Variants in CTNNA3 observed in about 807,000 individuals in gnomAD.
CTNNA3 encodes the protein catenin alpha-3.
CTNNA3 carries 76 observed loss-of-function variants against 95.7 expected under a neutral mutation model. That is an observed-to-expected ratio of 0.79 (90% CI 0.66 to 0.96). CTNNA3 has a LOEUF of 0.96. CTNNA3 is among the 40% of genes least tolerant of loss of function. The pLI is 0.00. For synonymous variants in CTNNA3, 431 were observed against 374.4 expected, an observed-to-expected ratio of 1.15 and a Z score of -1.74; for missense variants, 1,191 against 1,089.8, an observed-to-expected ratio of 1.09 and a Z score of -1.31.
intron 7 of CTNNA3, among the ~76,000 whole-genome samples, chr10:67,174,346 A>G (rs987981041): frequency 2.0e-5 from 3 of 152,164 alleles, no homozygotes; most frequent in Admixed American, 2.0e-4. Context: ...TTTCCTCAAT[A>G]GAGGAACCCA....
chr10:67,582,845 A>G (rs1368734310), intron 3 of CTNNA3, among the ~76,000 whole-genome samples: 1 of 151,676 alleles, frequency 6.6e-6, no homozygotes, highest in Non-Finnish European at 1.5e-5. Flanking sequence ...ATCTTTTTTC[A>G]TTTAAAGTCT....
At chr10:66,377,487 G>A (rs1309312961) in intron 12 of CTNNA3, among the ~76,000 whole-genome samples, 1 of 151,948 alleles carries the variant, frequency 6.6e-6, no homozygotes, top group East Asian at 1.9e-4. Flanking sequence ...TGATCTCAGA[G>A]TGATTGCAAA....
intron 10 of CTNNA3, among the ~76,000 whole-genome samples, chr10:66,591,555 A>G (rs1177155582): frequency 6.6e-6 from 1 of 152,068 alleles, no homozygotes; most frequent in African/African-American, 2.4e-5. Flanking sequence ...CTGACTCTAG[A>G]AGAGATGCTC....
At chr10:67,653,622 T>C (rs1301468166) in intron 1 of CTNNA3, among the ~76,000 whole-genome samples, 1 of 152,218 alleles carries the variant, frequency 6.6e-6, no homozygotes, top group South Asian at 2.1e-4. Context: ...TTATGTCATA[T>C]ATAGTCCCTT....
intron 5 of CTNNA3, among the ~76,000 whole-genome samples, chr10:67,312,238 A>G (rs573430835): frequency 2.0e-5 from 3 of 152,106 alleles, no homozygotes; most frequent in East Asian, 3.9e-4. Flanking sequence ...GTGCCCAGCT[A>G]ATTTTTGACT....
At chr10:65,946,480 C>T (rs1305196678) in intron 17 of CTNNA3, among the ~76,000 whole-genome samples, 2 of 151,974 alleles carry the variant, frequency 1.3e-5, no homozygotes, top group Admixed American at 6.6e-5. Context: ...GCTAGCAAAG[C>T]GTTAGTTATT....
chr10:66,910,621 A>G (rs1846182455), intron 7 of CTNNA3, among the ~76,000 whole-genome samples: 1 of 152,250 alleles, frequency 6.6e-6, no homozygotes, highest in Non-Finnish European at 1.5e-5. Context: ...GGCATTGAAG[A>G]TAACATGTAA....
intron 10 of CTNNA3, among the ~76,000 whole-genome samples, chr10:66,610,763 A>C (rs1844301565): frequency 1.3e-5 from 2 of 152,164 alleles, no homozygotes; most frequent in South Asian, 4.1e-4. Context: ...TGATCCAGCA[A>C]TCCCAATGCT....
intron 11 of CTNNA3, among the ~76,000 whole-genome samples, chr10:66,436,654 T>A (rs950922881): frequency 2.6e-5 from 4 of 152,058 alleles, no homozygotes; most frequent in Non-Finnish European, 4.4e-5. Context: ...AATTTGTCAG[T>A]CTGTGTCTTT....
intron 14 of CTNNA3, among the ~76,000 whole-genome samples, chr10:66,100,714 G>A (rs2081590315): frequency 6.6e-6 from 1 of 152,196 alleles, no homozygotes; most frequent in Non-Finnish European, 1.5e-5. Context: ...TGGGCAGCCA[G>A]TCATCTAGCT....
At chr10:66,032,002 C>T (rs989212597) in intron 15 of CTNNA3, among the ~76,000 whole-genome samples, 17 of 152,046 alleles carry the variant, frequency 1.1e-4, no homozygotes, top group Non-Finnish European at 2.5e-4. Flanking sequence ...AAGGCAATGA[C>T]TGCAGATGAA....
chr10:67,655,782 CAA>C (rs11291979), intron 1 of CTNNA3, among the ~76,000 whole-genome samples: 178 of 95,248 alleles, frequency 1.9e-3, no homozygotes, highest in Middle Eastern at 5.8e-3. Flanking sequence ...GACTCCGTCT[CAA>C]AAAAAAAAAA....
intron 5 of CTNNA3, among the ~76,000 whole-genome samples, chr10:67,442,446 A>G (rs1166066350): frequency 6.6e-6 from 1 of 152,160 alleles, no homozygotes; most frequent in Non-Finnish European, 1.5e-5. Flanking sequence ...GAGAGACCCA[A>G]TGATCTGTTG....
intron 13 of CTNNA3, among the ~76,000 whole-genome samples, chr10:66,270,621 C>T (rs1196616952): frequency 1.3e-5 from 2 of 152,126 alleles, no homozygotes; most frequent in Non-Finnish European, 2.9e-5. Flanking sequence ...ATCATCATGA[C>T]AAACGCTACG....
At chr10:66,523,270 C>T (rs750912078) in intron 10 of CTNNA3, among the ~76,000 whole-genome samples, 1 of 152,176 alleles carries the variant, frequency 6.6e-6, no homozygotes, top group Non-Finnish European at 1.5e-5. Flanking sequence ...TTTTAAAGTA[C>T]TGGTGTAAAA....
chr10:67,657,205 T>C (rs552644049), intron 1 of CTNNA3, among the ~76,000 whole-genome samples: 6 of 152,222 alleles, frequency 3.9e-5, no homozygotes, highest in Middle Eastern at 3.4e-3. Context: ...TGCCATTAAC[T>C]GAGGTGGGAA....
intron 2 of CTNNA3, among the ~76,000 whole-genome samples, chr10:67,636,554 A>G (rs4384298): frequency 1.3e-5 from 2 of 152,020 alleles, no homozygotes; most frequent in African/African-American, 4.8e-5. Context: ...AACCTGACAA[A>G]AACAAGCAAT....
chr10:66,770,684 A>C (rs2132804626), intron 8 of CTNNA3, among the ~76,000 whole-genome samples: 1 of 152,284 alleles, frequency 6.6e-6, no homozygotes, highest in Admixed American at 6.5e-5. Context: ...AGTCTAAAAA[A>C]GCCCCACCAT....
intron 9 of CTNNA3, among the ~76,000 whole-genome samples, chr10:66,670,731 A>C (rs1846629811): frequency 6.6e-6 from 1 of 152,178 alleles, no homozygotes; most frequent in African/African-American, 2.4e-5. Flanking sequence ...CCTTCAAAAC[A>C]TTACCTAGGT....
Sources: allele counts gnomAD v4.1 joint callset (sites outside exome capture counted in the v4.1 genomes callset), GRCh38; gene constraint gnomAD v4.1.1; transcripts MANE v1.5; gene names NCBI Gene and HGNC (gene_info 2026-07-23, HGNC 2026-07-21).